SCAF8: variants seen among roughly 807,000 people sequenced by gnomAD.
The protein encoded by SCAF8 is SR-related and CTD-associated factor 8.
Under a neutral mutation model 140.5 loss-of-function variants are expected in SCAF8, and 23 were observed. The ratio of observed to expected loss-of-function variants is 0.16; its 90% CI spans 0.12 to 0.23. The LOEUF (loss-of-function observed/expected upper bound fraction) is 0.23. Among genes scored for constraint, SCAF8 ranks in the 10% least tolerant of loss-of-function variants. SCAF8 has a pLI of 1.00. For missense variants in SCAF8, 1,397 were observed against 1,555.7 expected, an observed-to-expected ratio of 0.90 and a Z score of 1.72; for synonymous variants, 575 against 528.9, an observed-to-expected ratio of 1.09 and a Z score of -1.20.
intron 3 of SCAF8, among the ~76,000 whole-genome samples, chr6:154,779,944 A>G (rs1042147817): frequency 3.3e-5 from 5 of 152,178 alleles, no homozygotes; most frequent in African/African-American, 7.2e-5. Flanking sequence ...AAATATTACA[A>G]TCAGGACATT....
intron 1 of SCAF8, among the ~76,000 whole-genome samples, chr6:154,741,240 AT>A (rs1212099069): frequency 1.3e-5 from 2 of 152,198 alleles, no homozygotes; most frequent in Non-Finnish European, 2.9e-5. Context: ...GAGAGTGTTA[AT>A]CACACATCAT....
chr6:154,793,712 G>C (rs1777493203), intron 5 of SCAF8, among the ~76,000 whole-genome samples: 1 of 151,266 alleles, frequency 6.6e-6, no homozygotes, highest in African/African-American at 2.4e-5. Context: ...TTACTGGGGA[G>C]GCTGAGGCAG....
At chr6:154,770,388 A>ACACACACTCT (rs1384942827) in intron 1 of SCAF8, among the ~76,000 whole-genome samples, 25 of 141,988 alleles carry the variant, frequency 1.8e-4, no homozygotes, top group African/African-American at 5.7e-4. Context: ...ACACACACAC[A>ACACACACTCT]CTCTCTCTCT....
chr6:154,807,528 C>T lies in SCAF8; in HGVS notation c.982-542C>T, dbSNP rs866235820. On this transcript the variant is annotated intron_variant, in intron 9 of 19. Transcript: ENST00000367178. ...CTGAGTAGCTGGGATTACAGGCATC[C>T]GCCACCGTGCCCTGCTAATTTTTCT... Among the ~76,000 whole-genome samples the T allele has an allele frequency of 7.9e-5, 12 of 152,096 alleles. No individual in the cohort carries two copies. The South Asian group carries it at 1.9e-3, about 24-fold the overall frequency.
At chr6:154,808,317 G>A in intron 10 of SCAF8, 116 bp downstream of exon 10, 2 of 1,085,476 alleles carry the variant, frequency 1.8e-6, no homozygotes, top group Non-Finnish European at 2.7e-6. Flanking sequence ...GCTCCACTTT[G>A]TAATTGTTTC....
intron 1 of SCAF8, among the ~76,000 whole-genome samples, chr6:154,769,968 C>T (rs1438265810): frequency 6.6e-6 from 1 of 152,136 alleles, no homozygotes; most frequent in Non-Finnish European, 1.5e-5. Context: ...CTTTACTTTA[C>T]ATAATTTGCT....
chr6:154,821,787 A>T (rs1778429350), intron 15 of SCAF8, among the ~76,000 whole-genome samples: 2 of 152,222 alleles, frequency 1.3e-5, no homozygotes, highest in South Asian at 4.1e-4. Flanking sequence ...AAGTCATGTA[A>T]ATCTTATTTG....
chr6:154,806,260 TA>T (rs1777910220), intron 9 of SCAF8, among the ~76,000 whole-genome samples: 1 of 152,186 alleles, frequency 6.6e-6, no homozygotes, highest in Admixed American at 6.5e-5. Context: ...TGTTAAGTTG[TA>T]GAGCTAGGAT....
rs1202681204 is a variant in SCAF8 at position 154,801,772 on chromosome 6, C to G, written c.607-199C>G. 1.3e-5 allele frequency among the ~76,000 whole-genome samples: 2 copies of G among 151,078 alleles called. 1 individual carries two copies. Among genetic ancestry groups the G allele is most frequent in the Non-Finnish European group, 3.0e-5 (2 of 67,670 alleles). On this transcript the variant is annotated intron_variant, in intron 6 of 19. Coordinates refer to ENST00000367178, the MANE Select transcript of SCAF8 (RefSeq NM_014892.5). ...ATTTTGTTTAAAGTTCGCTGACTTTCCAGAAGTAAGACAAACTTATTAAGG... is the reference window on the plus strand; with the variant it reads ...ATTTTGTTTAAAGTTCGCTGACTTTGCAGAAGTAAGACAAACTTATTAAGG...
In SCAF8 at chr6:154,832,540, A is replaced by G. The variant is rs766626423; in HGVS notation, c.2961A>G (p.Gly987=). The G allele has an allele frequency of 2.5e-6, 4 of 1,614,004 alleles. No homozygotes were observed. Among genetic ancestry groups the G allele is most frequent in the Non-Finnish European group, 3.4e-6 (4 of 1,179,984 alleles). ...CAGAAAGACCTTTTTTAGCTCCTGG[A>G]AGACAAAGCGTAGACAATGTTACTA... ...SQPERPFLAP[G]RQSVDNVTNP... The change falls in exon 20 of 20, where the codon GGA becomes GGG. Residue 987 remains glycine, a synonymous_variant. Coordinates refer to ENST00000367178, the MANE Select transcript of SCAF8 (RefSeq NM_014892.5).
chr6:154,733,781 C>G lies in SCAF8; in HGVS notation c.-120C>G. On this transcript the variant is annotated 5_prime_UTR_variant, in exon 1 of 20. Coordinates refer to ENST00000367178, the MANE Select transcript of SCAF8 (RefSeq NM_014892.5). Reference sequence around the variant, plus strand: ...ACTCCGCCCCGAGGTCGCAGCGGCCCGCTCTCCCGCCAGCGCCCCCTCCTC... The same window carrying G: ...ACTCCGCCCCGAGGTCGCAGCGGCCGGCTCTCCCGCCAGCGCCCCCTCCTC... The G allele has an allele frequency of 7.2e-7, 1 of 1,380,478 alleles. No individual in the cohort carries two copies. Among genetic ancestry groups the G allele is most frequent in the East Asian group, 3.0e-5 (1 of 33,016 alleles). 85.5% of individuals were successfully genotyped at this position (1,380,478 alleles called of 1,614,324 possible).
intron 12 of SCAF8, 25 bp from the exon 13 acceptor site, chr6:154,815,691 T>G: frequency 7.4e-7 from 1 of 1,352,034 alleles, no homozygotes; most frequent in Non-Finnish European, 1.1e-6. Context: ...ATGATTTAGG[T>G]CATTTGTCTC....
At chr6:154,749,182 C>T (rs1582999935) in intron 1 of SCAF8, among the ~76,000 whole-genome samples, 1 of 152,212 alleles carries the variant, frequency 6.6e-6, no homozygotes, top group Non-Finnish European at 1.5e-5. Flanking sequence ...CCTCGGTGAT[C>T]TGCCCGCCTT....
intron 3 of SCAF8, among the ~76,000 whole-genome samples, chr6:154,784,834 G>A (rs898333822): frequency 2.0e-4 from 30 of 152,134 alleles, no homozygotes; most frequent in African/African-American, 6.5e-4. Context: ...AAATTTCTAT[G>A]TACATCTGTA....
intron 6 of SCAF8, among the ~76,000 whole-genome samples, chr6:154,796,612 T>G (rs1777616611): frequency 6.6e-6 from 1 of 152,138 alleles, no homozygotes; most frequent in African/African-American, 2.4e-5. Context: ...GGTTACCTTT[T>G]TCTGTATTCT....
At chr6:154,780,854 G>A (rs1777064570) in intron 3 of SCAF8, among the ~76,000 whole-genome samples, 1 of 152,076 alleles carries the variant, frequency 6.6e-6, no homozygotes, top group African/African-American at 2.4e-5. Flanking sequence ...CGTCTTTATG[G>A]TAGAATGATT....
At chr6:154,790,489 A>ATTTTTTTTTTTTTTTTTTT (rs57095332) in intron 4 of SCAF8, among the ~76,000 whole-genome samples, 3 of 70,880 alleles carry the variant, frequency 4.2e-5, no homozygotes, top group Non-Finnish European at 7.9e-5. Flanking sequence ...ATTTAACAGA[A>ATTTTTTTTTTTTTTTTTTT]TTTTTTTTTT....
rs371995294 is a variant in SCAF8, at chr6:154,832,344, C to T, written c.2765C>T (p.Pro922Leu). Residue 922 changes from proline to leucine, a missense_variant, in exon 20 of 20, where the codon CCA becomes CTA. Physicochemically the swap from Pro to Leu is moderately conservative, Grantham distance 98 (BLOSUM62 -3). Transcript: ENST00000367178. ...CCTAATCAAAGGATGCCCACAATGC[C>T]AATGTTAGACATTCGTCCGGGACTA... Reference protein sequence around the residue: ...SIPNQRMPTMPMLDIRPGLIP... With the variant: ...SIPNQRMPTMLMLDIRPGLIP... The T allele has an allele frequency of 6.2e-7, 1 of 1,613,890 alleles. No homozygotes were observed. The highest frequency in any genetic ancestry group is 1.3e-5 in the African/African-American group (1 of 74,910).
At chr6:154,749,673 G>A (rs62434253) in intron 1 of SCAF8, among the ~76,000 whole-genome samples, 7,459 of 152,242 alleles carry the variant, frequency 0.049, 243 homozygotes, top group Non-Finnish European at 0.075. Context: ...CTTTGGGTAG[G>A]GGATAGGGTA....
Sources: allele counts gnomAD v4.1 joint callset (sites outside exome capture counted in the v4.1 genomes callset), GRCh38; gene constraint gnomAD v4.1.1; transcripts MANE v1.5; gene names NCBI Gene and HGNC (gene_info 2026-07-23, HGNC 2026-07-21).